TAMM41: variants seen among roughly 807,000 people sequenced by gnomAD.
TAMM41 encodes phosphatidate cytidylyltransferase, mitochondrial.
Under a neutral mutation model 44.1 loss-of-function variants are expected in TAMM41, and 36 were observed. The ratio of observed to expected loss-of-function variants is 0.82; its 90% CI spans 0.63 to 1.08. The LOEUF (loss-of-function observed/expected upper bound fraction) is 1.08. Ranked by LOEUF, TAMM41 falls within the 50% of genes least tolerant of loss-of-function variation. TAMM41 has a pLI of 0.00. For missense variants in TAMM41, 417 were observed against 404.3 expected, an observed-to-expected ratio of 1.03 and a Z score of -0.27; for synonymous variants, 164 against 153.1, an observed-to-expected ratio of 1.07 and a Z score of -0.53.
At chr3:11,778,805 G>A in the TAMM41 span, among the ~76,000 whole-genome samples, 1 of 152,050 alleles carries the variant, frequency 6.6e-6, no homozygotes, top group Non-Finnish European at 1.5e-5. Flanking sequence ...TTGGAGAAGT[G>A]TGTGTTCAGA....
intron 4 of TAMM41, among the ~76,000 whole-genome samples, chr3:11,822,662 T>C (rs977752899): frequency 3.3e-5 from 5 of 152,218 alleles, no homozygotes; most frequent in African/African-American, 1.2e-4. Flanking sequence ...GAGTTATTTT[T>C]ACGACCTTAG....
chr3:11,730,665 C>G, the TAMM41 span, among the ~76,000 whole-genome samples: 42 of 148,316 alleles, frequency 2.8e-4, no homozygotes, highest in Admixed American at 2.8e-3. Context: ...ACCTGGGAGG[C>G]GGAGGTTGCA....
chr3:11,752,625 C>CTTTTTTTTTTTTTTTTTTTTTTT, the TAMM41 span, among the ~76,000 whole-genome samples: 38 of 39,954 alleles, frequency 9.5e-4, 6 homozygotes, highest in South Asian at 2.4e-3. Context: ...TCTTACAAAG[C>CTTTTTTTTTTTTTTTTTTTTTTT]TTTTTTTTTT....
chr3:11,789,822 A>G (rs1274192611), downstream of TAMM41, among the ~76,000 whole-genome samples: 1 of 152,214 alleles, frequency 6.6e-6, no homozygotes, highest in Non-Finnish European at 1.5e-5. Flanking sequence ...TGACAGAGCA[A>G]AGCCAGCCTC....
the TAMM41 span, among the ~76,000 whole-genome samples, chr3:11,779,479 G>A: frequency 2.6e-5 from 4 of 152,102 alleles, no homozygotes; most frequent in South Asian, 2.1e-4. Context: ...CTCCAACACC[G>A]AGGATCCAAG....
At chr3:11,780,905 G>A in the TAMM41 span, among the ~76,000 whole-genome samples, 1 of 152,182 alleles carries the variant, frequency 6.6e-6, no homozygotes, top group African/African-American at 2.4e-5. Flanking sequence ...ATGAACTTCT[G>A]TTCACAGCAT....
intron 5 of TAMM41, among the ~76,000 whole-genome samples, chr3:11,811,899 T>C (rs1414345447): frequency 1.3e-5 from 2 of 152,182 alleles, no homozygotes; most frequent in East Asian, 3.9e-4. Flanking sequence ...TTTTATGGTG[T>C]ATGAGGTATT....
At chr3:11,751,005 C>A in the TAMM41 span, among the ~76,000 whole-genome samples, 1 of 151,766 alleles carries the variant, frequency 6.6e-6, no homozygotes, top group East Asian at 1.9e-4. Flanking sequence ...AGCACAATGT[C>A]AACCACAGGT....
At chr3:11,762,694 C>T in the TAMM41 span, among the ~76,000 whole-genome samples, 1 of 152,168 alleles carries the variant, frequency 6.6e-6, no homozygotes, top group Non-Finnish European at 1.5e-5. Flanking sequence ...CCTTCCTGTG[C>T]CCATAACAAA....
the TAMM41 span, among the ~76,000 whole-genome samples, chr3:11,780,079 A>G: frequency 6.6e-6 from 1 of 152,122 alleles, no homozygotes; most frequent in Non-Finnish European, 1.5e-5. Flanking sequence ...TTTCTAGTCT[A>G]TTCTCCATAG....
In TAMM41 at chr3:11,844,119, T is replaced by C. The variant is rs764839210; in HGVS notation, c.228A>G (p.Leu76=). The C allele has an allele frequency of 2.5e-6, 4 of 1,614,114 alleles. No individual in the cohort carries two copies. The highest frequency in any genetic ancestry group is 1.1e-5 in the South Asian group (1 of 91,086). Residue 76 remains leucine, a synonymous_variant, in exon 2 of 8, where the codon CTA becomes CTG. Coordinates refer to ENST00000455809, the MANE Select transcript of TAMM41 (RefSeq NM_001284401.2). ...TGATAATCTTGGGCCCTAAAACTTT[T>C]AGGAAAGAGTAGTGACTCCAATTTT... ...LKKNWSHYSF[L]KVLGPKIITS...
chr3:11,810,285 C>T lies in TAMM41; in HGVS notation c.709-603G>A, dbSNP rs77860666. Among the ~76,000 whole-genome samples, 626 of 152,318 alleles carry T rather than the reference C, an allele frequency of 4.1e-3. 11 individuals carry two copies. The East Asian group carries it at 0.064, about 16-fold the overall frequency. On this transcript the variant is annotated intron_variant, in intron 5 of 7. Transcript: ENST00000455809. ...GAAATGAGTAACTGAATCAATACAACTTAGTTGTCCTAAAGCTACTATGCC... is the reference window on the plus strand; with the variant it reads ...GAAATGAGTAACTGAATCAATACAATTTAGTTGTCCTAAAGCTACTATGCC...
chr3:11,748,430 T>C, the TAMM41 span, among the ~76,000 whole-genome samples: 2 of 150,906 alleles, frequency 1.3e-5, no homozygotes, highest in Non-Finnish European at 3.0e-5. Context: ...TACAGGCGGC[T>C]GCCACCACGT....
the TAMM41 span, among the ~76,000 whole-genome samples, chr3:11,780,229 T>G: frequency 1.3e-5 from 2 of 152,326 alleles, no homozygotes; most frequent in African/African-American, 4.8e-5. Context: ...CGATCTGGCC[T>G]CAGTCATTTC....
At chr3:11,741,196 T>G in the TAMM41 span, among the ~76,000 whole-genome samples, 22,488 of 110,440 alleles carry the variant, frequency 0.2, 3,294 homozygotes, top group African/African-American at 0.42. Context: ...TCCAGCCAGG[T>G]ACAGAACAAG....
chr3:11,753,580 A>AAAT, the TAMM41 span, among the ~76,000 whole-genome samples: 1 of 151,750 alleles, frequency 6.6e-6, no homozygotes, highest in Non-Finnish European at 1.5e-5. Context: ...AAAAAATAAA[A>AAAT]AATAAAAAAA....
At chr3:11,837,045 C>T (rs975509408) in intron 3 of TAMM41, among the ~76,000 whole-genome samples, 1 of 152,182 alleles carries the variant, frequency 6.6e-6, no homozygotes, top group East Asian at 1.9e-4. Context: ...GTAACCCCTG[C>T]CCGGATCGAG....
chr3:11,764,483 A>ATTATTTTTTT, the TAMM41 span, among the ~76,000 whole-genome samples: 1 of 86,378 alleles, frequency 1.2e-5, no homozygotes, highest in Non-Finnish European at 2.3e-5. Context: ...CCATAATCTT[A>ATTATTTTTTT]TTCTTTTTTT....
At chr3:11,790,986 C>CAGTGACATATG (rs2077465133) in intron 7 of TAMM41, among the ~76,000 whole-genome samples, 1 of 152,218 alleles carries the variant, frequency 6.6e-6, no homozygotes, top group Non-Finnish European at 1.5e-5. Flanking sequence ...GTGAAAGGCA[C>CAGTGACATATG]CTGTCTGACT....
Sources: gnomAD v4.1 joint callset for allele counts (sites outside exome capture counted in the v4.1 genomes callset) on GRCh38, gnomAD v4.1.1 for gene constraint, MANE v1.5 for transcripts, NCBI Gene and HGNC (gene_info 2026-07-23, HGNC 2026-07-21) for gene names.